Variants in KAT2B observed in about 807,000 individuals in gnomAD.
The protein encoded by KAT2B is lysine acetyltransferase 2B.
A neutral mutation model predicts 105.9 loss-of-function variants in KAT2B; 36 were observed. The observed-to-expected ratio is 0.34, with a 90% CI of 0.26 to 0.45. The LOEUF is 0.45. KAT2B is among the 20% of genes least tolerant of loss of function. The pLI is 1.00. For missense variants in KAT2B, 820 were observed against 1,021.6 expected, an observed-to-expected ratio of 0.80 and a Z score of 2.69; for synonymous variants, 397 against 377.9, an observed-to-expected ratio of 1.05 and a Z score of -0.59.
intron 13 of KAT2B, among the ~76,000 whole-genome samples, chr3:20,142,268 C>G (rs189779571): frequency 2.0e-5 from 3 of 152,280 alleles, no homozygotes; most frequent in Admixed American, 6.5e-5. Context: ...CTCTCCTCCC[C>G]CTCTGCCTCC....
intron 5 of KAT2B, 45 bp downstream of exon 5, chr3:20,101,513 T>TA: frequency 6.4e-7 from 1 of 1,554,128 alleles, no homozygotes; most frequent in Non-Finnish European, 8.9e-7. Context: ...TAAAGCCTGT[T>TA]ACAGACCTAA....
chr3:20,120,794 A>G (rs1699295154), intron 8 of KAT2B, among the ~76,000 whole-genome samples: 1 of 152,160 alleles, frequency 6.6e-6, no homozygotes, highest in Non-Finnish European at 1.5e-5. Flanking sequence ...GACGTCAGAC[A>G]AATCTTGGAT....
chr3:20,111,404 A>C (rs1383448751), intron 5 of KAT2B, among the ~76,000 whole-genome samples, 192 bp from the exon 6 acceptor site: 1 of 152,246 alleles, frequency 6.6e-6, no homozygotes, highest in African/African-American at 2.4e-5. Flanking sequence ...ACAGAATTAG[A>C]CACAAGTGGT....
chr3:20,066,193 T>G (rs1411449939), intron 1 of KAT2B, among the ~76,000 whole-genome samples: 2 of 152,128 alleles, frequency 1.3e-5, no homozygotes, highest in Non-Finnish European at 2.9e-5. Flanking sequence ...CATAGTGAGA[T>G]CCAGCCTCTG....
At chr3:20,071,122 A>G (rs1000810155) in intron 1 of KAT2B, among the ~76,000 whole-genome samples, 3 of 152,200 alleles carry the variant, frequency 2.0e-5, no homozygotes, top group African/African-American at 4.8e-5. Context: ...ATTTAAACAT[A>G]TAATTTCAAT....
At chr3:20,133,419 A>G (rs1699545274) in intron 11 of KAT2B, among the ~76,000 whole-genome samples, 1 of 51,750 alleles carries the variant, frequency 1.9e-5, no homozygotes, top group African/African-American at 1.2e-4. Flanking sequence ...CAGTAGCTAC[A>G]TGTGACTAAT....
intron 4 of KAT2B, chr3:20,101,084 CT>C: frequency 1.8e-6 from 1 of 551,272 alleles, no homozygotes; most frequent in Non-Finnish European, 3.2e-6. Context: ...GCCTCTCTGT[CT>C]TGTCACTTTT....
Position 20,148,090 on chromosome 3 carries a change from T to C in KAT2B, c.2156+91T>C, listed in dbSNP as rs1030911547. 1.2e-5 allele frequency: 17 copies of C among 1,400,038 alleles called. 1 individual carries two copies. Among genetic ancestry groups the C allele is most frequent in the East Asian group, 9.4e-5 (4 of 42,678 alleles). 86.7% of individuals were successfully genotyped at this position (1,400,038 alleles called of 1,614,324 possible). A position where few individuals can be genotyped will look rare whatever the true frequency, so the allele number is the denominator to read the frequency against. ...AAGAAAAACGGCAAACTAATTGTAATCACTAACACAACAGTTGGTGGGTTT... is the reference window on the plus strand; with the variant it reads ...AAGAAAAACGGCAAACTAATTGTAACCACTAACACAACAGTTGGTGGGTTT... On this transcript the variant is annotated intron_variant, in intron 15 of 17. Coordinates refer to ENST00000263754, the MANE Select transcript of KAT2B (RefSeq NM_003884.5).
At chr3:20,043,765 C>G (rs772201923) in intron 1 of KAT2B, among the ~76,000 whole-genome samples, 2 of 151,606 alleles carry the variant, frequency 1.3e-5, no homozygotes, top group Non-Finnish European at 2.9e-5. Flanking sequence ...TGATTGGGTA[C>G]GAGGGAGTGT....
chr3:20,045,309 C>T (rs1244138192), intron 1 of KAT2B, among the ~76,000 whole-genome samples: 1 of 148,548 alleles, frequency 6.7e-6, no homozygotes, highest in Non-Finnish European at 1.5e-5. Context: ...TGAGCCACTG[C>T]ACCTGGCCTA....
intron 7 of KAT2B, among the ~76,000 whole-genome samples, chr3:20,118,697 G>C (rs1217642199): frequency 7.8e-6 from 1 of 127,830 alleles, no homozygotes; most frequent in Non-Finnish European, 1.6e-5. Flanking sequence ...CTGCACTCCA[G>C]CCTGGGCGAC....
intron 1 of KAT2B, among the ~76,000 whole-genome samples, chr3:20,046,264 C>G (rs563569079): frequency 1.9e-4 from 29 of 152,226 alleles, no homozygotes; most frequent in African/African-American, 6.7e-4. Flanking sequence ...TTCATGGGTA[C>G]AGGACTATAA....
intron 11 of KAT2B, among the ~76,000 whole-genome samples, 158 bp from the exon 12 acceptor site, chr3:20,136,784 C>T (rs552058374): frequency 3.0e-4 from 45 of 152,090 alleles, no homozygotes; most frequent in Non-Finnish European, 4.9e-4. Flanking sequence ...AGTTAAGAAA[C>T]GCAAGAAAGG....
intron 13 of KAT2B, 40 bp from the exon 14 acceptor site, chr3:20,146,276 A>T: frequency 8.6e-7 from 1 of 1,157,076 alleles, no homozygotes; most frequent in South Asian, 1.2e-5. Flanking sequence ...GTATCCATAG[A>T]CTTCTTTCCC....
chr3:20,047,073 G>GC (rs112448267), intron 1 of KAT2B, among the ~76,000 whole-genome samples: 16,846 of 149,788 alleles, frequency 0.11, 1,457 homozygotes, highest in East Asian at 0.49. Context: ...TTTTTGTTTT[G>GC]CCCCCCCCTT....
intron 5 of KAT2B, among the ~76,000 whole-genome samples, chr3:20,103,611 G>A (rs1243608071): frequency 6.6e-6 from 1 of 151,940 alleles, no homozygotes; most frequent in African/African-American, 2.4e-5. Flanking sequence ...GTCTCGCTGT[G>A]TTGCCCAGGC....
rs769812469 is a variant in KAT2B at position 20,137,902 on chromosome 3, G to A, written c.1860+850G>A. Among the ~76,000 whole-genome samples the A allele has an allele frequency of 3.9e-4, 59 of 152,192 alleles. 1 individual carries two copies. Among genetic ancestry groups the A allele is most frequent in the Non-Finnish European group, 7.6e-4 (52 of 68,038 alleles). ...TATGCCTGTAATCCTAGTACTTTGG[G>A]AGGCCAGGGCAGGAGGATTGCTGTG... is the stretch of plus-strand genomic sequence containing the variant. On this transcript the variant is annotated intron_variant, in intron 12 of 17. Transcript: ENST00000263754.
intron 2 of KAT2B, among the ~76,000 whole-genome samples, chr3:20,088,453 G>A (rs917057189): frequency 3.9e-5 from 6 of 152,126 alleles, no homozygotes; most frequent in East Asian, 1.9e-4. Flanking sequence ...TATCCTGAGC[G>A]TGAAGTGATA....
chr3:20,124,137 T>C (rs1371717203), intron 9 of KAT2B, among the ~76,000 whole-genome samples: 1 of 152,222 alleles, frequency 6.6e-6, no homozygotes, highest in Non-Finnish European at 1.5e-5. Flanking sequence ...CTGTGAGGGC[T>C]TAAGACTATA....
Sources: allele counts gnomAD v4.1 joint callset (sites outside exome capture counted in the v4.1 genomes callset), GRCh38; gene constraint gnomAD v4.1.1; transcripts MANE v1.5; gene names NCBI Gene and HGNC (gene_info 2026-07-23, HGNC 2026-07-21).